The following MYO1C variants were observed in gnomAD, a reference collection of about 807,000 sequenced individuals.
MYO1C encodes the protein myosin IC, also known as unconventional myosin-Ic.
MYO1C carries 104 observed loss-of-function variants against 150.8 expected under a neutral mutation model. The observed-to-expected ratio is 0.69, with a 90% CI of 0.59 to 0.81. The LOEUF is 0.81. Among genes scored for constraint, MYO1C ranks in the 30% least tolerant of loss-of-function variants. The pLI is 0.00. For synonymous variants in MYO1C, 663 were observed against 579.9 expected (o/e 1.14, Z -2.06); for missense variants, 1,504 against 1,435.0 (o/e 1.05, Z -0.78).
rs902007282 is a variant in MYO1C, at chr17:1,469,312, A to G, written c.2610+219T>C. Reference sequence around the variant, plus strand: ...GGGGTAAATACGGTAGGTGGGGTAAATACAGTAGACCGAGATAAATACGGT... The same window carrying G: ...GGGGTAAATACGGTAGGTGGGGTAAGTACAGTAGACCGAGATAAATACGGT... On this transcript the variant is annotated intron_variant, in intron 25 of 31. Transcript: ENST00000648651. The G allele has an allele frequency of 1.2e-5, 7 of 593,910 alleles. No homozygotes were observed. In the Admixed American group the frequency reaches 1.4e-4, roughly 12 times the overall value. 36.8% of individuals were successfully genotyped at this position (593,910 alleles called of 1,614,324 possible).
In MYO1C at chr17:1,470,168, C is replaced by T; in HGVS notation, c.2526+7G>A. 2 of 1,606,854 alleles carry T rather than the reference C, an allele frequency of 1.2e-6. No individual in the cohort carries two copies. The highest frequency in any genetic ancestry group is 2.2e-5 in the South Asian group (2 of 90,314). ...GGTCCCTAACTTGGCAGGGGGTGCC[C>T]ACAGACCTCACGCAGGGCAGGTGGG... On this transcript the variant is annotated splice_region_variant and intron_variant, in intron 24 of 31. Coordinates refer to ENST00000648651, the MANE Select transcript of MYO1C (RefSeq NM_001080779.2).
chr17:1,471,776 C>G (rs2074308365), intron 19 of MYO1C, 131 bp downstream of exon 19: 2 of 990,376 alleles, frequency 2.0e-6, no homozygotes, highest in Non-Finnish European at 3.1e-6. Context: ...GGGCCTCCAC[C>G]AAGGGCAGCC....
In MYO1C at chr17:1,480,552, A is replaced by G. The variant is rs780977966; in HGVS notation, c.881T>C (p.Ile294Thr). 37 of 1,614,046 alleles carry G rather than the reference A, an allele frequency of 2.3e-5. No individual in the cohort carries two copies. Among genetic ancestry groups the G allele is most frequent in the Non-Finnish European group, 3.1e-5 (36 of 1,180,020 alleles). ...CTCCACTTCATCCTCGGTGAAATCA[A>G]TGACTGTCAGAGCCTTCCTGACGAC... is the stretch of plus-strand genomic sequence containing the variant. The part of the protein sequence containing the change: ...WKVVRKALTV[I>T]DFTEDEVEDL... Residue 294 changes from isoleucine (I) to threonine (T), a missense_variant, in exon 7 of 32, where the codon ATT becomes ACT. Physicochemically the swap from Ile to Thr is moderately conservative, Grantham distance 89. Transcript: ENST00000648651.
In MYO1C at chr17:1,479,586, A is replaced by T; in HGVS notation, c.1020+6T>A. The T allele has an allele frequency of 7.6e-7, 1 of 1,313,784 alleles. No homozygotes were observed. The highest frequency in any genetic ancestry group is 1.1e-6 in the Non-Finnish European group (1 of 949,208). The allele number at this position is 1,313,784 out of a possible 1,614,324, so 81.4% of individuals were successfully genotyped here. On this transcript the variant is annotated splice_donor_region_variant and intron_variant, in intron 8 of 31. Transcript: ENST00000648651. The surrounding 1 kb of genome is among the most constrained non-coding windows in gnomAD (Gnocchi z 4.2). Reference sequence around the variant, plus strand: ...CCTCCCGTCGCCCTCTGCCCGCCCCACTCACCCTGGTCAGATACTTGAGCT... The same window carrying T: ...CCTCCCGTCGCCCTCTGCCCGCCCCTCTCACCCTGGTCAGATACTTGAGCT...
intron 1 of MYO1C, among the ~76,000 whole-genome samples, chr17:1,491,416 C>A (rs1429598619): frequency 6.6e-6 from 1 of 150,862 alleles, no homozygotes; most frequent in Non-Finnish European, 1.5e-5. Context: ...TAAGTCTCCA[C>A]CAGGCTGCGC....
chr17:1,474,717 T>C, intron 16 of MYO1C, 27 bp from the exon 17 acceptor site: 1 of 1,613,588 alleles, frequency 6.2e-7, no homozygotes, highest in South Asian at 1.1e-5. Flanking sequence ...GGGGTCAGGG[T>C]GGGGCACAGG....
chr17:1,469,477 C>T, intron 25 of MYO1C, 54 bp downstream of exon 25: 2 of 1,360,224 alleles, frequency 1.5e-6, no homozygotes, highest in Non-Finnish European at 2.0e-6. Context: ...TTGAGCAATG[C>T]TTGCGACTCC....
In MYO1C at chr17:1,479,219, C is replaced by T. The variant is rs1005847029; in HGVS notation, c.1092+212G>A. On this transcript the variant is annotated intron_variant, in intron 9 of 31. Coordinates refer to ENST00000648651, the MANE Select transcript of MYO1C (RefSeq NM_001080779.2). This position sits in a 1 kb window ranked among gnomAD's most constrained non-coding sequence, Gnocchi z 4.2. ...TGTTGGCCAAGATGGTCTCGAACTCCTGACCTCAGGTGACCTGCCCACCTC... is the reference window on the plus strand; with the variant it reads ...TGTTGGCCAAGATGGTCTCGAACTCTTGACCTCAGGTGACCTGCCCACCTC... Among the ~76,000 whole-genome samples, 1 of 152,216 alleles carries T rather than the reference C, an allele frequency of 6.6e-6. No individual in the cohort carries two copies. Among genetic ancestry groups the T allele is most frequent in the African/African-American group, 2.4e-5 (1 of 41,450 alleles).
Position 1,477,496 on chromosome 17 carries a change from C to A in MYO1C, c.1574+9G>T. ...CCCTTGCCCCCAGCAGCCCCGCAGCCCCACTCACGTCAGGAAGTGTGGATG... is the reference window on the plus strand; with the variant it reads ...CCCTTGCCCCCAGCAGCCCCGCAGCACCACTCACGTCAGGAAGTGTGGATG... On this transcript the variant is annotated intron_variant, in intron 14 of 31. Coordinates refer to ENST00000648651, the MANE Select transcript of MYO1C (RefSeq NM_001080779.2). 2 of 1,613,332 alleles carry A rather than the reference C, an allele frequency of 1.2e-6. No individual in the cohort carries two copies. Among genetic ancestry groups the A allele is most frequent in the East Asian group, 4.5e-5 (2 of 44,886 alleles).
chr17:1,482,538 G>A lies in MYO1C; in HGVS notation c.567C>T (p.Thr189=). 3 of 1,614,024 alleles carry A rather than the reference G, an allele frequency of 1.9e-6. No homozygotes were observed. The highest frequency in any genetic ancestry group is 1.7e-6 in the Non-Finnish European group (2 of 1,179,976). Residue 189 remains threonine (T), a synonymous_variant, in exon 5 of 32, where the codon ACC becomes ACT. Transcript: ENST00000648651. ...PVLEAFGNAK[T]LRNDNSSRFG... ...ACCTGCTGGAGTTATCGTTCCGGAG[G>A]GTCTTGGCATTTCCAAAGGCCTAGG...
At position 1,470,967 on chromosome 17, in the gene MYO1C, C is replaced by G. The variant is rs993919138; in HGVS notation, c.2212+104G>C. ...CCTGGAGCTGGGCGTGGGGCTGGAG[C>G]TGATAGGGAGGGGTGGACTCCCTGG... is the stretch of plus-strand genomic sequence containing the variant. On this transcript the variant is annotated intron_variant, in intron 21 of 31. Coordinates refer to ENST00000648651, the MANE Select transcript of MYO1C (RefSeq NM_001080779.2). 5.4e-6 allele frequency: 7 copies of G among 1,285,028 alleles called. No individual in the cohort carries two copies. The African/African-American group carries it at 1.0e-4, about 19-fold the overall frequency. The allele number at this position is 1,285,028 out of a possible 1,614,324, so 79.6% of individuals were successfully genotyped here.
chr17:1,483,029 T>C lies in MYO1C; in HGVS notation c.378A>G (p.Ala126=), dbSNP rs767264156. The C allele has an allele frequency of 6.2e-7, 1 of 1,611,266 alleles. No homozygotes were observed. The highest frequency in any genetic ancestry group is 8.5e-7 in the Non-Finnish European group (1 of 1,179,742). ...LFAVADTVYR[A]LRTERRDQAV... ...CCTGGTCCCGACGCTCCGTGCGCAG[T>C]GCTCGGTACACAGTGTCCGCCACGG... Residue 126 remains alanine, a synonymous_variant, in exon 4 of 32, where the codon GCA becomes GCG. Transcript: ENST00000648651.
rs970756599 is a variant in MYO1C, at chr17:1,464,308, C to G, written c.*1418G>C. 1 of 152,626 alleles carries G rather than the reference C, an allele frequency of 6.6e-6. No homozygotes were observed. Among genetic ancestry groups the G allele is most frequent in the Admixed American group, 6.5e-5 (1 of 15,284 alleles). The allele number at this position is 152,626 out of a possible 1,614,324, so 9.5% of individuals were successfully genotyped here. On this transcript the variant is annotated 3_prime_UTR_variant, in exon 32 of 32. Coordinates refer to ENST00000648651, the MANE Select transcript of MYO1C (RefSeq NM_001080779.2). Reference sequence around the variant, plus strand: ...GCCCCCAGGCCCTTGAGGGTAGGAGCAGGGAGAAGCAGCAGAAGGAGGTGA... The same window carrying G: ...GCCCCCAGGCCCTTGAGGGTAGGAGGAGGGAGAAGCAGCAGAAGGAGGTGA...
At position 1,478,846 on chromosome 17, in the gene MYO1C, C is replaced by T; in HGVS notation, c.1093-111G>A. The T allele has an allele frequency of 6.5e-7, 1 of 1,538,616 alleles. No individual in the cohort carries two copies. The highest frequency in any genetic ancestry group is 8.8e-7 in the Non-Finnish European group (1 of 1,136,910). Reference sequence around the variant, plus strand: ...CGCCACCACTCTGCACTCCCAGCTCCAGCAAGCCTGCAGTATGGGGAGGGG... The same window carrying T: ...CGCCACCACTCTGCACTCCCAGCTCTAGCAAGCCTGCAGTATGGGGAGGGG... On this transcript the variant is annotated intron_variant, in intron 9 of 31. Transcript: ENST00000648651. The surrounding 1 kb of genome is among the most constrained non-coding windows in gnomAD (Gnocchi z 6.3).
rs778335530 is a variant in MYO1C at position 1,472,051 on chromosome 17, G to T, written c.1904-27C>A. The T allele has an allele frequency of 1.2e-5, 20 of 1,611,360 alleles. No individual in the cohort carries two copies. In the South Asian group the frequency reaches 1.6e-4, roughly 13 times the overall value. On this transcript the variant is annotated intron_variant, in intron 18 of 31. Coordinates refer to ENST00000648651, the MANE Select transcript of MYO1C (RefSeq NM_001080779.2). Reference sequence around the variant, plus strand: ...TGGGGTAGGGGGAGCGCCGTGGTCAGCGGGCTGGCGCTGACGGCCTGTCTC... The same window carrying T: ...TGGGGTAGGGGGAGCGCCGTGGTCATCGGGCTGGCGCTGACGGCCTGTCTC...
In MYO1C at chr17:1,482,377, T is replaced by C. The variant is rs1031788730; in HGVS notation, c.627+101A>G. The C allele has an allele frequency of 4.6e-6, 5 of 1,082,170 alleles. No homozygotes were observed. In the African/African-American group the frequency reaches 7.8e-5, roughly 17 times the overall value. 67.0% of individuals were successfully genotyped at this position (1,082,170 alleles called of 1,614,324 possible). On this transcript the variant is annotated intron_variant, in intron 5 of 31. Transcript: ENST00000648651. ...ATTTTTGTTTGCTTTGTTTGACTGC[T>C]GGAATTGCAGCACCTGGAATAGTCC...
At chr17:1,489,627 C>T (rs1199765989) in intron 1 of MYO1C, among the ~76,000 whole-genome samples, 5 of 152,194 alleles carry the variant, frequency 3.3e-5, no homozygotes, top group African/African-American at 1.2e-4. Flanking sequence ...CTGCAGTGAG[C>T]TGTGATGGTG....
intron 25 of MYO1C, 51 bp from the exon 26 acceptor site, chr17:1,468,547 T>A: frequency 2.1e-6 from 3 of 1,431,266 alleles, no homozygotes; most frequent in Non-Finnish European, 3.0e-6. Flanking sequence ...AGCACCATCT[T>A]GGGGGGGCAG....
In MYO1C at chr17:1,467,902, C is replaced by CA; in HGVS notation, c.2904dup (p.Val969CysfsTer19). The CA allele has an allele frequency of 1.2e-6, 2 of 1,612,020 alleles. No homozygotes were observed. The highest frequency in any genetic ancestry group is 1.7e-6 in the Non-Finnish European group (2 of 1,179,648). On this transcript the variant is annotated frameshift_variant, in exon 29 of 32. Coordinates refer to ENST00000648651, the MANE Select transcript of MYO1C (RefSeq NM_001080779.2). LOFTEE classifies it high-confidence loss of function. ...AAAAGACTGTCGCTCAGGCTGCTGA[C>CA]AGAGATTCCTGAGGGGAGAGGGCAA...
Sources: allele counts gnomAD v4.1 joint callset (sites outside exome capture counted in the v4.1 genomes callset), GRCh38; gene constraint gnomAD v4.1.1; non-coding constraint Gnocchi (gnomAD v3.1); transcripts MANE v1.5; gene names NCBI Gene and HGNC (gene_info 2026-07-23, HGNC 2026-07-21).